Variants in PCDHA10 observed in about 807,000 individuals in gnomAD.
The protein encoded by PCDHA10 is protocadherin alpha-10.
Under a neutral mutation model 61.2 loss-of-function variants are expected in PCDHA10, and 45 were observed. The observed-to-expected ratio is 0.74, with a 90% CI of 0.58 to 0.94. The LOEUF (loss-of-function observed/expected upper bound fraction) is 0.94. PCDHA10 is among the 40% of genes least tolerant of loss of function. The pLI is 0.00. For synonymous variants in PCDHA10, 602 were observed against 548.8 expected, an observed-to-expected ratio of 1.10 and a Z score of -1.35; for missense variants, 1,278 against 1,236.2, an observed-to-expected ratio of 1.03 and a Z score of -0.51.
rs2086142013 is a variant in PCDHA10, at chr5:140,929,415, C to T, written c.2389-49534C>T. 11 of 1,504,150 alleles carry T rather than the reference C, an allele frequency of 7.3e-6. 1 individual carries two copies. In the South Asian group the frequency reaches 1.2e-4, roughly 17 times the overall value. 93.2% of individuals were successfully genotyped at this position (1,504,150 alleles called of 1,614,324 possible). A position where few individuals can be genotyped will look rare whatever the true frequency, so the allele number is the denominator to read the frequency against. On this transcript the variant is annotated intron_variant, in intron 1 of 3. Coordinates refer to ENST00000307360, the MANE Select transcript of PCDHA10 (RefSeq NM_018901.4). The stretch of plus-strand genomic sequence containing the variant: ...TATTTCTTAGACAAGCCTTTCACAA[C>T]ATTTCATCAATTGAACTAAACACTC...
At chr5:140,938,930 A>T (rs2092272913) in intron 1 of PCDHA10, among the ~76,000 whole-genome samples, 1 of 152,066 alleles carries the variant, frequency 6.6e-6, no homozygotes, top group African/African-American at 2.4e-5. Flanking sequence ...ATTGGCTTTT[A>T]ACTTTCCATT....
Position 140,887,790 on chromosome 5 carries a change from T to C in PCDHA10, c.2388+29354T>C, listed in dbSNP as rs564215639. On this transcript the variant is annotated intron_variant, in intron 1 of 3. Coordinates refer to ENST00000307360, the MANE Select transcript of PCDHA10 (RefSeq NM_018901.4). ...ACAATGACACAGGTCATTGAAGCGT[T>C]CTTTATTTTTGTCCATTTCTTTCTC... Among the ~76,000 whole-genome samples, 4 of 152,288 alleles carry C rather than the reference T, an allele frequency of 2.6e-5. No individual in the cohort carries two copies. The East Asian group carries it at 7.7e-4, about 29-fold the overall frequency.
At chr5:140,954,618 G>C (rs1312581802) in intron 1 of PCDHA10, among the ~76,000 whole-genome samples, 3 of 152,078 alleles carry the variant, frequency 2.0e-5, no homozygotes, top group Non-Finnish European at 2.9e-5. Flanking sequence ...TAATGGGCTT[G>C]TTTGGGTTTT....
chr5:140,894,603 C>G (rs782068626), intron 1 of PCDHA10, among the ~76,000 whole-genome samples: 1 of 151,756 alleles, frequency 6.6e-6, no homozygotes, highest in African/African-American at 2.4e-5. Context: ...TTTCTCATCT[C>G]TCTTTTCAAA....
chr5:140,926,404 A>G (rs192980510), intron 1 of PCDHA10: 1 of 152,612 alleles, frequency 6.6e-6, no homozygotes, highest in African/African-American at 2.4e-5. Context: ...GTTATCAGCA[A>G]TCTGCGGGCA....
intron 1 of PCDHA10, chr5:140,875,264 C>G: frequency 8.4e-7 from 1 of 1,189,324 alleles, no homozygotes; most frequent in Non-Finnish European, 1.1e-6. Flanking sequence ...TGATGTCGCT[C>G]TACACTCAGA....
intron 1 of PCDHA10, chr5:140,860,566 A>G (rs1385735814): frequency 6.6e-6 from 1 of 152,224 alleles, no homozygotes; most frequent in Non-Finnish European, 1.5e-5. Context: ...GGTACTGATC[A>G]TACACAAGAA....
At chr5:140,877,599 C>T (rs1325384029) in intron 1 of PCDHA10, 5 of 1,613,882 alleles carry the variant, frequency 3.1e-6, no homozygotes, top group East Asian at 2.2e-5. Context: ...CGGTGTCCAG[C>T]CTGCTGGTGC....
At chr5:140,900,139 G>A (rs985320509) in intron 1 of PCDHA10, among the ~76,000 whole-genome samples, 2 of 152,156 alleles carry the variant, frequency 1.3e-5, no homozygotes, top group East Asian at 3.9e-4. Context: ...CCACAAATAA[G>A]TAAGAACATA....
chr5:140,944,857 A>G (rs1288221644), intron 1 of PCDHA10, among the ~76,000 whole-genome samples: 1 of 152,078 alleles, frequency 6.6e-6, no homozygotes, highest in Non-Finnish European at 1.5e-5. Context: ...AATCATCCTT[A>G]TTTATCTTAA....
intron 1 of PCDHA10, among the ~76,000 whole-genome samples, chr5:140,955,285 G>T (rs2095164466): frequency 6.6e-6 from 1 of 151,896 alleles, no homozygotes; most frequent in Non-Finnish European, 1.5e-5. Context: ...ATATTGATAT[G>T]GTTTGGCTGT....
intron 1 of PCDHA10, among the ~76,000 whole-genome samples, chr5:140,940,389 AT>A (rs2092602183): frequency 1.3e-5 from 2 of 151,932 alleles, no homozygotes; most frequent in Admixed American, 6.6e-5. Flanking sequence ...AATTTTGGTT[AT>A]TGTGTTTTTC....
At position 140,961,643 on chromosome 5, in the gene PCDHA10, A is replaced by G. The variant is rs533824470; in HGVS notation, c.2389-17306A>G. Reference sequence around the variant, plus strand: ...CCATATGAAAAACAATCTTAAGTCTATGTGGTTAGTTTGAAGTTACCAGTT... The same window carrying G: ...CCATATGAAAAACAATCTTAAGTCTGTGTGGTTAGTTTGAAGTTACCAGTT... On this transcript the variant is annotated intron_variant, in intron 1 of 3. Coordinates refer to ENST00000307360, the MANE Select transcript of PCDHA10 (RefSeq NM_018901.4). Among the ~76,000 whole-genome samples the G allele has an allele frequency of 7.2e-5, 11 of 152,324 alleles. No homozygotes were observed. The East Asian group carries it at 1.9e-3, about 27-fold the overall frequency.
In PCDHA10 at chr5:140,869,957, A is replaced by G. The variant is rs782483772; in HGVS notation, c.2388+11521A>G. The stretch of plus-strand genomic sequence containing the variant: ...GTAACATACTCCTTAATGTCAATTA[A>G]GCCCAATGGAAGACACTTATTTACA... On this transcript the variant is annotated intron_variant, in intron 1 of 3. Transcript: ENST00000307360. 4 of 1,613,040 alleles carry G rather than the reference A, an allele frequency of 2.5e-6. No homozygotes were observed. The South Asian group carries it at 4.4e-5, about 18-fold the overall frequency.
At position 140,918,978 on chromosome 5, in the gene PCDHA10, G is replaced by C. The variant is rs1363137172; in HGVS notation, c.2389-59971G>C. On this transcript the variant is annotated intron_variant, in intron 1 of 3. Transcript: ENST00000307360. Reference sequence around the variant, plus strand: ...ACTAAGACAGATATCGTTTAGGTTAGTTGGTTTTTAGTGTTGTTCACATCT... The same window carrying C: ...ACTAAGACAGATATCGTTTAGGTTACTTGGTTTTTAGTGTTGTTCACATCT... Among the ~76,000 whole-genome samples, 5 of 152,204 alleles carry C rather than the reference G, an allele frequency of 3.3e-5. No homozygotes were observed. In the South Asian group the frequency reaches 8.3e-4, roughly 25 times the overall value.
intron 1 of PCDHA10, chr5:140,927,266 C>T (rs1554204259): frequency 6.2e-7 from 1 of 1,614,146 alleles, no homozygotes. Flanking sequence ...CCTCTCTTTC[C>T]TGCCGGCGAC....
At chr5:140,861,440 C>T (rs575320775) in intron 1 of PCDHA10, 3 of 493,406 alleles carry the variant, frequency 6.1e-6, no homozygotes, top group South Asian at 4.7e-5. Context: ...ATTCCAAAAG[C>T]CGCAGAAACC....
intron 1 of PCDHA10, chr5:140,877,875 C>A: frequency 6.8e-7 from 1 of 1,475,090 alleles, no homozygotes; most frequent in Non-Finnish European, 9.0e-7. Context: ...TATTTGTTTC[C>A]TTGAAGAACT....
intron 1 of PCDHA10, among the ~76,000 whole-genome samples, chr5:140,888,250 G>A (rs2061753546): frequency 6.6e-6 from 1 of 152,128 alleles, no homozygotes; most frequent in African/African-American, 2.4e-5. Flanking sequence ...CTTTAAAGCA[G>A]TAGTTCTTGA....
Sources: gnomAD v4.1 joint callset for allele counts (sites outside exome capture counted in the v4.1 genomes callset) on GRCh38, gnomAD v4.1.1 for gene constraint, MANE v1.5 for transcripts, NCBI Gene and HGNC (gene_info 2026-07-23, HGNC 2026-07-21) for gene names.